The following SMG6 variants were observed in gnomAD, a reference collection of about 807,000 sequenced individuals.
SMG6 encodes telomerase-binding protein EST1A.
SMG6 carries 66 observed loss-of-function variants against 142.2 expected under a neutral mutation model. That is an observed-to-expected ratio of 0.46 (90% CI 0.38 to 0.57). The LOEUF (loss-of-function observed/expected upper bound fraction) is 0.57, where lower values mean the gene tolerates loss of function less well. SMG6 is among the 20% of genes least tolerant of loss of function. The pLI is 0.00. For synonymous variants in SMG6, 779 were observed against 702.4 expected (o/e 1.11, Z -1.72); for missense variants, 1,793 against 1,832.0 (o/e 0.98, Z 0.39).
chr17:2,102,318 C>G (rs1328083836), intron 13 of SMG6, among the ~76,000 whole-genome samples: 1 of 152,034 alleles, frequency 6.6e-6, no homozygotes. Flanking sequence ...AAATACTTAT[C>G]ATTTTATTGT....
chr17:2,297,010 G>GAAA (rs374673133), intron 4 of SMG6, among the ~76,000 whole-genome samples: 2 of 61,012 alleles, frequency 3.3e-5, no homozygotes, highest in Admixed American at 1.7e-4. Context: ...CTCAAAAAAT[G>GAAA]AAAAAAAAAA....
At chr17:2,153,638 A>T (rs2070895796) in intron 13 of SMG6, among the ~76,000 whole-genome samples, 1 of 150,390 alleles carries the variant, frequency 6.6e-6, no homozygotes, top group African/African-American at 2.5e-5. Context: ...GGATGCATGT[A>T]GAGTGTGACG....
chr17:2,139,502 C>A (rs2070407859), intron 13 of SMG6, among the ~76,000 whole-genome samples: 1 of 149,466 alleles, frequency 6.7e-6, no homozygotes, highest in African/African-American at 2.5e-5. Context: ...GCTCACTGCA[C>A]CCTTGGCCTC....
At chr17:2,255,343 G>T (rs1175391430) in intron 8 of SMG6, among the ~76,000 whole-genome samples, 11 of 143,840 alleles carry the variant, frequency 7.6e-5, no homozygotes, top group Non-Finnish European at 1.7e-4. Context: ...GGCGGAGCTT[G>T]CAGTGAGCCG....
intron 8 of SMG6, among the ~76,000 whole-genome samples, chr17:2,255,387 G>C (rs1376257673): frequency 1.7e-5 from 2 of 117,366 alleles, no homozygotes; most frequent in Non-Finnish European, 3.3e-5. Flanking sequence ...CTGGGCGACA[G>C]AGCGAGACTC....
At chr17:2,264,991 T>C (rs1430444419) in intron 8 of SMG6, among the ~76,000 whole-genome samples, 2 of 152,154 alleles carry the variant, frequency 1.3e-5, no homozygotes, top group African/African-American at 4.8e-5. Flanking sequence ...TCTCTCACTA[T>C]TGTTAATCCC....
intron 13 of SMG6, among the ~76,000 whole-genome samples, chr17:2,151,763 C>T (rs765279369): frequency 9.2e-5 from 14 of 152,182 alleles, no homozygotes; most frequent in African/African-American, 3.1e-4. Context: ...TATGCGGCTG[C>T]CCAGTGGAAA....
intron 12 of SMG6, among the ~76,000 whole-genome samples, chr17:2,183,182 T>C (rs2071859692): frequency 1.3e-5 from 2 of 150,630 alleles, no homozygotes; most frequent in East Asian, 3.9e-4. Context: ...GCTGTGATCG[T>C]GCCACTGCCG....
At position 2,098,436 on chromosome 17, in the gene SMG6, C is replaced by T. The variant is rs183089889; in HGVS notation, c.3358-12535G>A. Among the ~76,000 whole-genome samples the T allele has an allele frequency of 3.3e-5, 5 of 152,250 alleles. No individual in the cohort carries two copies. In the East Asian group the frequency reaches 5.8e-4, roughly 18 times the overall value. ...TCTTCTCCCCATGCCTGAAGAAATC[C>T]GATTATTTACCATTGTGCTGCATGC... On this transcript the variant is annotated intron_variant, in intron 13 of 18. Transcript: ENST00000263073.
rs374727108 is a variant in SMG6 at position 2,247,929 on chromosome 17, TAAACAAAC to T, written c.2662-3218_2662-3211del. On this transcript the variant is annotated intron_variant, in intron 8 of 18. Transcript: ENST00000263073. ...CAATATGGTGAAACCCAGTATCTGT[TAAACAAAC>T]AAACAAACAAACAAACGAAACAGCC... Among the ~76,000 whole-genome samples, 8 of 151,552 alleles carry T rather than the reference TAAACAAAC, an allele frequency of 5.3e-5. No homozygotes were observed. In the East Asian group the frequency reaches 7.7e-4, roughly 15 times the overall value.
chr17:2,109,047 C>T (rs1467431389), intron 13 of SMG6, among the ~76,000 whole-genome samples: 1 of 152,188 alleles, frequency 6.6e-6, no homozygotes, highest in African/African-American at 2.4e-5. Context: ...AGAGACAATA[C>T]ATTAATTATC....
chr17:2,152,172 A>G (rs1256364668), intron 13 of SMG6, among the ~76,000 whole-genome samples: 3 of 152,232 alleles, frequency 2.0e-5, no homozygotes, highest in Non-Finnish European at 1.5e-5. Flanking sequence ...CAGAAGCTAC[A>G]TCATAGGCGG....
chr17:2,090,955 G>GT (rs1160380340), intron 13 of SMG6, among the ~76,000 whole-genome samples: 2 of 152,194 alleles, frequency 1.3e-5, no homozygotes, highest in Non-Finnish European at 1.5e-5. Flanking sequence ...ACCAAGGCTG[G>GT]TAAAATACAG....
chr17:2,285,978 C>G (rs549026704), intron 6 of SMG6, among the ~76,000 whole-genome samples: 4 of 151,770 alleles, frequency 2.6e-5, no homozygotes, highest in Non-Finnish European at 1.5e-5. Context: ...CTGGCCAAGA[C>G]CCTGTCTAAA....
At chr17:2,179,177 G>C (rs745823687) in intron 12 of SMG6, among the ~76,000 whole-genome samples, 51 of 152,152 alleles carry the variant, frequency 3.4e-4, no homozygotes, top group Non-Finnish European at 1.3e-4. Flanking sequence ...AGGGAGACTG[G>C]GTGGGGAGCC....
At position 2,297,304 on chromosome 17, in the gene SMG6, T is replaced by C. The variant is rs143802482; in HGVS notation, c.2090A>G (p.Lys697Arg). Residue 697 changes from lysine to arginine, a missense_variant, in exon 4 of 19, where the codon AAG (lysine) becomes AGG (arginine). Lys to Arg is a conservative substitution (Grantham distance 26). Around this residue, in one of 3 missense-constraint regions of SMG6, gnomAD observed 1,597 missense variants for 1,584.6 expected, o/e 1.01. Transcript: ENST00000263073. ...SLLQKLQVTY[K>R]FKLEDYMDGL... ...ATCCATGTAGTCTTCCAGTTTGAAC[T>C]TGTAAGTAACCTGCAGCTTCTGAAG... 17 of 1,613,632 alleles carry C rather than the reference T, an allele frequency of 1.1e-5. No homozygotes were observed. In the African/African-American group the frequency reaches 1.9e-4, roughly 18 times the overall value.
chr17:2,068,788 C>A lies in SMG6; in HGVS notation c.3825G>T (p.Val1275=), dbSNP rs2068017518. The A allele has an allele frequency of 1.2e-6, 2 of 1,613,956 alleles. No homozygotes were observed. The highest frequency in any genetic ancestry group is 1.7e-6 in the Non-Finnish European group (2 of 1,179,886). ...LLESRKYILV[V]PLIVINELDG... ...TCCCGCCTGACTCACCGATGAGGGG[C>A]ACCACCAGGATGTACTTCCTGCTCT... The change falls in exon 16 of 19, where the codon GTG becomes GTT. Residue 1275 remains valine (V), a synonymous_variant. Transcript: ENST00000263073. The surrounding 1 kb of genome is among the most constrained non-coding windows in gnomAD (Gnocchi z 6.7).
intron 13 of SMG6, among the ~76,000 whole-genome samples, chr17:2,136,695 G>T (rs914526374): frequency 6.7e-6 from 1 of 150,236 alleles, no homozygotes; most frequent in Admixed American, 6.6e-5. Flanking sequence ...CACCAAAGAC[G>T]ATTCAATCCC....
At chr17:2,091,688 T>A (rs2068719837) in intron 13 of SMG6, among the ~76,000 whole-genome samples, 1 of 125,896 alleles carries the variant, frequency 7.9e-6, no homozygotes, top group Non-Finnish European at 1.6e-5. Flanking sequence ...TTTTTTTTTT[T>A]GAGAGAGAGT....
Sources: allele counts gnomAD v4.1 joint callset (sites outside exome capture counted in the v4.1 genomes callset), GRCh38; gene constraint gnomAD v4.1.1; regional missense constraint gnomAD v4.1.1; non-coding constraint Gnocchi (gnomAD v3.1); transcripts MANE v1.5; gene names NCBI Gene and HGNC (gene_info 2026-07-23, HGNC 2026-07-21).